Variants in ROR1 observed in about 807,000 individuals in gnomAD.
ROR1 encodes ROR family WNT receptor 1.
A neutral mutation model predicts 78.8 loss-of-function variants in ROR1; 19 were observed. The ratio of observed to expected loss-of-function variants is 0.24; its 90% CI spans 0.17 to 0.35. The LOEUF (loss-of-function observed/expected upper bound fraction) is 0.35. Among genes scored for constraint, ROR1 ranks in the 10% least tolerant of loss-of-function variants. ROR1 has a pLI of 1.00. For synonymous variants in ROR1, 386 were observed against 433.6 expected, an observed-to-expected ratio of 0.89 and a Z score of 1.36; for missense variants, 917 against 1,177.8, an observed-to-expected ratio of 0.78 and a Z score of 3.24.
At chr1:63,950,810 TGA>T (rs1645929138) in intron 1 of ROR1, among the ~76,000 whole-genome samples, 1 of 152,178 alleles carries the variant, frequency 6.6e-6, no homozygotes, top group Non-Finnish European at 1.5e-5. Context: ...GGGGAATACA[TGA>T]GAGATTCCCT....
chr1:63,774,251 G>T lies in ROR1; in HGVS notation c.-167G>T. The T allele has an allele frequency of 3.3e-6, 1 of 305,814 alleles. No individual in the cohort carries two copies. Among genetic ancestry groups the T allele is most frequent in the South Asian group, 5.4e-5 (1 of 18,548 alleles). The allele number at this position is 305,814 out of a possible 1,614,324, so 18.9% of individuals were successfully genotyped here. ...GCTCGCGGCATCCAGAGGCGGCCAG[G>T]CGGAGGCGAGGGAGCAGGTTAGAGG... is the stretch of plus-strand genomic sequence containing the variant. On this transcript the variant is annotated 5_prime_UTR_variant, in exon 1 of 9. Transcript: ENST00000371079. This position sits in a 1 kb window ranked among gnomAD's most constrained non-coding sequence, Gnocchi z 5.7.
intron 1 of ROR1, among the ~76,000 whole-genome samples, chr1:63,888,568 C>A (rs141050981): frequency 6.6e-6 from 1 of 152,040 alleles, no homozygotes; most frequent in African/African-American, 2.4e-5. Flanking sequence ...GACTGCAGTG[C>A]GCTATAATTG....
intron 2 of ROR1, among the ~76,000 whole-genome samples, chr1:64,028,659 T>G (rs1054528816): frequency 3.3e-5 from 5 of 152,206 alleles, no homozygotes; most frequent in African/African-American, 1.2e-4. Context: ...AAAAAAATTT[T>G]TTAGATACAT....
At chr1:64,078,217 A>G (rs1296879497) in intron 4 of ROR1, among the ~76,000 whole-genome samples, 1 of 152,154 alleles carries the variant, frequency 6.6e-6, no homozygotes, top group African/African-American at 2.4e-5. Context: ...TTCTCTTCCT[A>G]TCTCTCTGGG....
chr1:63,984,497 A>G (rs777598476), intron 1 of ROR1, among the ~76,000 whole-genome samples: 23 of 152,286 alleles, frequency 1.5e-4, no homozygotes, highest in Non-Finnish European at 1.9e-4. Flanking sequence ...AGGCAGGGAA[A>G]TGTCCCTGGC....
chr1:64,170,225 C>A (rs1650197803), intron 8 of ROR1, among the ~76,000 whole-genome samples: 1 of 152,240 alleles, frequency 6.6e-6, no homozygotes, highest in Non-Finnish European at 1.5e-5. Flanking sequence ...CAGCAAACTT[C>A]TGCCTGGGCA....
At chr1:64,015,994 G>T (rs956998560) in intron 2 of ROR1, among the ~76,000 whole-genome samples, 9 of 152,114 alleles carry the variant, frequency 5.9e-5, no homozygotes, top group Non-Finnish European at 1.0e-4. Flanking sequence ...CTCACTACTG[G>T]TAGTTCTCTT....
intron 1 of ROR1, among the ~76,000 whole-genome samples, chr1:63,806,809 C>A (rs1273869174): frequency 1.3e-5 from 2 of 152,046 alleles, no homozygotes; most frequent in Non-Finnish European, 2.9e-5. Context: ...CTTAAAAATT[C>A]TTGTTACTGT....
At chr1:63,798,216 A>G (rs1569728372) in intron 1 of ROR1, among the ~76,000 whole-genome samples, 1 of 152,206 alleles carries the variant, frequency 6.6e-6, no homozygotes, top group Admixed American at 6.5e-5. Flanking sequence ...TAGGTATGCA[A>G]CCTGTGCAAC....
intron 1 of ROR1, among the ~76,000 whole-genome samples, chr1:63,987,410 A>C (rs1459344595): frequency 1.3e-5 from 2 of 152,152 alleles, no homozygotes; most frequent in Non-Finnish European, 2.9e-5. Context: ...AACTTAACGC[A>C]CTTGGTCTTT....
In ROR1 at chr1:63,774,602, C is replaced by A; in HGVS notation, c.91+94C>A. ...CCGGGCGCGGGACACGCAGGAAGCG[C>A]CGCGCTGGCTCCGGGGCGCGTCCGG... On this transcript the variant is annotated intron_variant, in intron 1 of 8. Coordinates refer to ENST00000371079, the MANE Select transcript of ROR1 (RefSeq NM_005012.4). The surrounding 1 kb of genome is among the most constrained non-coding windows in gnomAD (Gnocchi z 5.7). The A allele has an allele frequency of 1.5e-6, 1 of 665,050 alleles. No homozygotes were observed. The highest frequency in any genetic ancestry group is 1.9e-6 in the Non-Finnish European group (1 of 529,286). The allele number at this position is 665,050 out of a possible 1,614,324, so 41.2% of individuals were successfully genotyped here.
intron 1 of ROR1, among the ~76,000 whole-genome samples, chr1:63,911,119 C>CA (rs1400866659): frequency 6.6e-6 from 1 of 152,074 alleles, no homozygotes; most frequent in Non-Finnish European, 1.5e-5. Context: ...GATGCTTGGA[C>CA]AAAAAACTTG....
intron 4 of ROR1, among the ~76,000 whole-genome samples, chr1:64,058,211 C>T (rs1057071087): frequency 2.0e-5 from 3 of 152,112 alleles, no homozygotes; most frequent in African/African-American, 4.8e-5. Context: ...TGCTTCTTAG[C>T]TCTAGCAGTT....
rs535873034 is a variant in ROR1 at position 64,053,652 on chromosome 1, C to A, written c.482+2936C>A. 7.9e-5 allele frequency among the ~76,000 whole-genome samples: 12 copies of A among 152,216 alleles called. No homozygotes were observed. The East Asian group carries it at 2.3e-3, about 29-fold the overall frequency. On this transcript the variant is annotated intron_variant, in intron 4 of 8. Transcript: ENST00000371079. ...CTATCTTCCCACAGTGTCAAATATA[C>A]CTTTTTAACGTTAAAATTTTAAAAT...
intron 4 of ROR1, among the ~76,000 whole-genome samples, chr1:64,135,510 AG>A (rs1008790373): frequency 1.3e-5 from 2 of 151,854 alleles, no homozygotes; most frequent in African/African-American, 2.4e-5. Context: ...CTGTAATAGC[AG>A]GGGGGTGGCA....
At chr1:64,060,926 A>G (rs1313085625) in intron 4 of ROR1, among the ~76,000 whole-genome samples, 1 of 152,214 alleles carries the variant, frequency 6.6e-6, no homozygotes, top group African/African-American at 2.4e-5. Flanking sequence ...AAAGTTTCCA[A>G]TTAAAACAGT....
At chr1:64,155,903 A>G (rs1173721957) in intron 7 of ROR1, among the ~76,000 whole-genome samples, 2 of 152,150 alleles carry the variant, frequency 1.3e-5, no homozygotes, top group Admixed American at 6.5e-5. Context: ...CTGTATGGCA[A>G]TTTTCAATTA....
At chr1:63,824,887 CTG>C (rs1220792003) in intron 1 of ROR1, among the ~76,000 whole-genome samples, 2 of 152,232 alleles carry the variant, frequency 1.3e-5, no homozygotes, top group African/African-American at 4.8e-5. Flanking sequence ...TTTACAAACA[CTG>C]TTGAATCCTG....
chr1:63,940,478 TAGACAGATAGATAGACAGAC>T (rs753564393), intron 1 of ROR1, among the ~76,000 whole-genome samples: 97 of 146,500 alleles, frequency 6.6e-4, no homozygotes, highest in South Asian at 3.2e-3. Flanking sequence ...GATAGATAGA[TAGACAGATAGATAGACAGAC>T]AGATAGATAG....
Sources: gnomAD v4.1 joint callset for allele counts (sites outside exome capture counted in the v4.1 genomes callset) on GRCh38, gnomAD v4.1.1 for gene constraint, Gnocchi (gnomAD v3.1) non-coding constraint, MANE v1.5 for transcripts, NCBI Gene and HGNC (gene_info 2026-07-23, HGNC 2026-07-21) for gene names.